The following DMRTA1 variants were observed in gnomAD, a reference collection of about 807,000 sequenced individuals.
DMRTA1 encodes doublesex- and mab-3-related transcription factor A1.
DMRTA1 carries 34 observed loss-of-function variants against 35.2 expected under a neutral mutation model. The ratio of observed to expected loss-of-function variants is 0.97; its 90% CI spans 0.74 to 1.29. The LOEUF (loss-of-function observed/expected upper bound fraction) is 1.29, where lower values mean the gene tolerates loss of function less well. Among genes scored for constraint, DMRTA1 ranks in the 50% most tolerant of loss-of-function variants. The pLI, the probability that DMRTA1 is intolerant of heterozygous loss-of-function variation, is 0.00. For synonymous variants in DMRTA1, 344 were observed against 276.6 expected (o/e 1.24, Z -2.42); for missense variants, 824 against 644.6 (o/e 1.28, Z -3.01).
Position 22,446,982 on chromosome 9 carries a change from C to A in DMRTA1, c.-84C>A. The A allele has an allele frequency of 6.6e-7, 1 of 1,519,900 alleles. No individual in the cohort carries two copies. The highest frequency in any genetic ancestry group is 8.9e-7 in the Non-Finnish European group (1 of 1,127,556). The allele number at this position is 1,519,900 out of a possible 1,614,324, so 94.2% of individuals were successfully genotyped here. A position where few individuals can be genotyped will look rare whatever the true frequency, so the allele number is the denominator to read the frequency against. On this transcript the variant is annotated 5_prime_UTR_variant, in exon 1 of 2. Transcript: ENST00000325870. ...CTCAGTAGGACCACGGCGCGTCCTGCCCCGGCTTCCCCAGCCTCCCAGCAG... is the reference window on the plus strand; with the variant it reads ...CTCAGTAGGACCACGGCGCGTCCTGACCCGGCTTCCCCAGCCTCCCAGCAG...
rs1267644340 is a variant in DMRTA1 at position 22,447,679 on chromosome 9, C to G, written c.614C>G (p.Ser205Cys). 6.2e-7 allele frequency: 1 copy of G among 1,612,912 alleles called. No homozygotes were observed. ...GGTGCCTTGAGACAGGCCAGTGGTT[C>G]CGCGACCCCCGCTTTCGAAGTTTTC... ...GLGALRQASG[S>C]ATPAFEVFQQ... The change falls in exon 1 of 2, where the codon TCC becomes TGC. Residue 205 changes from serine (S) to cysteine (C), a missense_variant. Ser to Cys is a moderately radical substitution (Grantham distance 112). Coordinates refer to ENST00000325870, the MANE Select transcript of DMRTA1 (RefSeq NM_022160.3).
chr9:22,446,998 C>T lies in DMRTA1; in HGVS notation c.-68C>T, dbSNP rs1410307670. The T allele has an allele frequency of 6.5e-7, 1 of 1,549,930 alleles. No individual in the cohort carries two copies. Among genetic ancestry groups the T allele is most frequent in the Non-Finnish European group, 8.7e-7 (1 of 1,146,810 alleles). On this transcript the variant is annotated 5_prime_UTR_variant, in exon 1 of 2. Transcript: ENST00000325870. ...CGCGTCCTGCCCCGGCTTCCCCAGC[C>T]TCCCAGCAGGGTTAGCTGCGGTCAG...
chr9:22,447,185 G>A lies in DMRTA1; in HGVS notation c.120G>A (p.Gly40=). 3 of 1,597,342 alleles carry A rather than the reference G, an allele frequency of 1.9e-6. No individual in the cohort carries two copies. The highest frequency in any genetic ancestry group is 1.1e-5 in the South Asian group (1 of 89,918). Residue 40 remains glycine (G), a synonymous_variant, in exon 1 of 2, where the codon GGG becomes GGA. Coordinates refer to ENST00000325870, the MANE Select transcript of DMRTA1 (RefSeq NM_022160.3). ...CCCCGGCGTTGCCGGTACCATCGGG[G>A]ATGCAGGTTCCCCCAGCGTTCCTGC... ...PPSPALPVPS[G]MQVPPAFLRP... is the part of the protein sequence containing the mutation.
chr9:22,451,798 C>A lies in DMRTA1; in HGVS notation c.1402C>A (p.Pro468Thr). 1 of 1,614,044 alleles carries A rather than the reference C, an allele frequency of 6.2e-7. No homozygotes were observed. The highest frequency in any genetic ancestry group is 1.3e-5 in the African/African-American group (1 of 75,026). The change falls in exon 2 of 2, where the codon CCA becomes ACA. Residue 468 changes from proline to threonine, a missense_variant. Physicochemically the swap from Pro to Thr is conservative, Grantham distance 38. Transcript: ENST00000325870. ...GTTAGTACCAACCTTACCTTTTCGG[C>A]CAGCTTTGGATTATGCCTTTTCAGG... ...PGLVPTLPFR[P>T]ALDYAFSGMI...
rs1463260150 is a variant in DMRTA1, at chr9:22,451,751, T to C, written c.1355T>C (p.Met452Thr). ...SSAGRGLSGF[M>T]SPYLTPGLVP... is the part of the protein sequence containing the mutation. ...GCAGGAAGAGGGTTATCTGGTTTTA[T>C]GTCACCCTACCTAACACCTGGGTTA... The change falls in exon 2 of 2, where the codon ATG (methionine) becomes ACG (threonine). Residue 452 changes from methionine (M) to threonine (T), a missense_variant. Physicochemically the swap from Met to Thr is moderately conservative, Grantham distance 81 (BLOSUM62 -1). Coordinates refer to ENST00000325870, the MANE Select transcript of DMRTA1 (RefSeq NM_022160.3). 2 of 1,614,142 alleles carry C rather than the reference T, an allele frequency of 1.2e-6. No homozygotes were observed. Among genetic ancestry groups the C allele is most frequent in the South Asian group, 2.2e-5 (2 of 91,086 alleles).
chr9:22,454,680 T>G lies in DMRTA1; in HGVS notation c.*2769T>G, dbSNP rs1276161621. On this transcript the variant is annotated 3_prime_UTR_variant, in exon 2 of 2. Coordinates refer to ENST00000325870, the MANE Select transcript of DMRTA1 (RefSeq NM_022160.3). ...TGGGAAGAAAGAGGGGGTAAATGCT[T>G]TAAGAGCTAGCATATAACAAAAATG... 2.0e-5 allele frequency: 3 copies of G among 152,138 alleles called. No individual in the cohort carries two copies. Among genetic ancestry groups the G allele is most frequent in the Admixed American group, 2.0e-4 (3 of 15,266 alleles). The allele number at this position is 152,138 out of a possible 1,614,324, so 9.4% of individuals were successfully genotyped here. A position where few individuals can be genotyped will look rare whatever the true frequency, so the allele number is the denominator to read the frequency against.
intron 1 of DMRTA1, among the ~76,000 whole-genome samples, chr9:22,450,391 C>A (rs1212544540): frequency 6.7e-6 from 1 of 148,732 alleles, no homozygotes; most frequent in African/African-American, 2.4e-5. Flanking sequence ...ATGAAAAATA[C>A]CGTCTGTGTC....
At position 22,447,017 on chromosome 9, in the gene DMRTA1, C is replaced by G. The variant is rs1313440077; in HGVS notation, c.-49C>G. 2.5e-6 allele frequency: 4 copies of G among 1,573,026 alleles called. No homozygotes were observed. The East Asian group carries it at 9.6e-5, about 38-fold the overall frequency. On this transcript the variant is annotated 5_prime_UTR_variant, in exon 1 of 2. Transcript: ENST00000325870. ...CCCAGCCTCCCAGCAGGGTTAGCTG[C>G]GGTCAGCGCACTTTCCACTTGGGAC... is the stretch of plus-strand genomic sequence containing the variant.
At position 22,452,055 on chromosome 9, in the gene DMRTA1, C is replaced by G. The variant is rs1246890140; in HGVS notation, c.*144C>G. 5.4e-6 allele frequency: 4 copies of G among 744,844 alleles called. No individual in the cohort carries two copies. The highest frequency in any genetic ancestry group is 8.1e-6 in the Non-Finnish European group (4 of 493,326). The allele number at this position is 744,844 out of a possible 1,614,324, so 46.1% of individuals were successfully genotyped here. A position where few individuals can be genotyped will look rare whatever the true frequency, so the allele number is the denominator to read the frequency against. ...TTAAAATGCTGGGTTTTTTTTTTTT[C>G]AAGCAATATAATAGGTCTTAGATCT... On this transcript the variant is annotated 3_prime_UTR_variant, in exon 2 of 2. Coordinates refer to ENST00000325870, the MANE Select transcript of DMRTA1 (RefSeq NM_022160.3).
In DMRTA1 at chr9:22,447,095, C is replaced by G. The variant is rs201444816; in HGVS notation, c.30C>G (p.Asp10Glu). Residue 10 changes from aspartate to glutamate, a missense_variant, in exon 1 of 2, where the codon GAC (aspartate) becomes GAG (glutamate). Physicochemically the swap from Asp to Glu is conservative, Grantham distance 45 (BLOSUM62 2). Coordinates refer to ENST00000325870, the MANE Select transcript of DMRTA1 (RefSeq NM_022160.3). MERSQCGSRDRGVSGRPHLA... is the reference protein window; with the variant it reads MERSQCGSRERGVSGRPHLA... Reference sequence around the variant, plus strand: ...AGCGGTCACAGTGTGGCAGCAGAGACCGAGGCGTTAGCGGCCGACCTCACT... The same window carrying G: ...AGCGGTCACAGTGTGGCAGCAGAGAGCGAGGCGTTAGCGGCCGACCTCACT... 167 of 1,609,598 alleles carry G rather than the reference C, an allele frequency of 1.0e-4. No individual in the cohort carries two copies. The East Asian group carries it at 3.5e-3, about 34-fold the overall frequency.
At position 22,447,821 on chromosome 9, in the gene DMRTA1, A is replaced by G. The variant is rs531617983; in HGVS notation, c.667+89A>G. The G allele has an allele frequency of 2.0e-5, 30 of 1,499,898 alleles. No homozygotes were observed. The South Asian group carries it at 3.3e-4, about 17-fold the overall frequency. The allele number at this position is 1,499,898 out of a possible 1,614,324, so 92.9% of individuals were successfully genotyped here. A position where few individuals can be genotyped will look rare whatever the true frequency, so the allele number is the denominator to read the frequency against. Reference sequence around the variant, plus strand: ...CAAGCCACCGTGTCCATAGGCGGGCAGGAATAGTTGTTTAAAAGAAACACT... The same window carrying G: ...CAAGCCACCGTGTCCATAGGCGGGCGGGAATAGTTGTTTAAAAGAAACACT... On this transcript the variant is annotated intron_variant, in intron 1 of 1. Coordinates refer to ENST00000325870, the MANE Select transcript of DMRTA1 (RefSeq NM_022160.3).
rs777216280 is a variant in DMRTA1, at chr9:22,451,942, T to C, written c.*31T>C. ...ATGCCCATTCTCTCTTTCTGGAGTT[T>C]TTCCAGCATACAATACATGCACGTG... On this transcript the variant is annotated 3_prime_UTR_variant, in exon 2 of 2. Transcript: ENST00000325870. 2 of 1,609,290 alleles carry C rather than the reference T, an allele frequency of 1.2e-6. No individual in the cohort carries two copies. Among genetic ancestry groups the C allele is most frequent in the Admixed American group, 1.7e-5 (1 of 59,858 alleles).
chr9:22,451,328 A>G lies in DMRTA1; in HGVS notation c.932A>G (p.Asp311Gly), dbSNP rs368798749. ...GGAAATGAAAGTGAATGGGTCAAAG[A>G]CTTGACTGCGACCAAGGCAAGCCTT... is the stretch of plus-strand genomic sequence containing the variant. ...ESGNESEWVK[D>G]LTATKASLPT... is the part of the protein sequence containing the mutation. The change falls in exon 2 of 2, where the codon GAC becomes GGC. Residue 311 changes from aspartate (D) to glycine (G), a missense_variant. By Grantham distance (94) the Asp-to-Gly change is moderately conservative. Coordinates refer to ENST00000325870, the MANE Select transcript of DMRTA1 (RefSeq NM_022160.3). The G allele has an allele frequency of 6.2e-7, 1 of 1,614,076 alleles. No homozygotes were observed. Among genetic ancestry groups the G allele is most frequent in the Non-Finnish European group, 8.5e-7 (1 of 1,179,972 alleles).
Position 22,451,305 on chromosome 9 carries a change from A to G in DMRTA1, c.909A>G (p.Gly303=), listed in dbSNP as rs2117960687. Residue 303 remains glycine (G), a synonymous_variant, in exon 2 of 2, where the codon GGA becomes GGG. Coordinates refer to ENST00000325870, the MANE Select transcript of DMRTA1 (RefSeq NM_022160.3). ...RSLSSSDLES[G]NESEWVKDLT... ...TATCATCCTCTGATCTGGAATCAGG[A>G]AATGAAAGTGAATGGGTCAAAGACT... 1 of 1,614,122 alleles carries G rather than the reference A, an allele frequency of 6.2e-7. No individual in the cohort carries two copies. Among genetic ancestry groups the G allele is most frequent in the East Asian group, 2.2e-5 (1 of 44,882 alleles).
Position 22,447,008 on chromosome 9 carries a change from G to A in DMRTA1, c.-58G>A. On this transcript the variant is annotated 5_prime_UTR_variant, in exon 1 of 2. Coordinates refer to ENST00000325870, the MANE Select transcript of DMRTA1 (RefSeq NM_022160.3). Reference sequence around the variant, plus strand: ...CCCGGCTTCCCCAGCCTCCCAGCAGGGTTAGCTGCGGTCAGCGCACTTTCC... The same window carrying A: ...CCCGGCTTCCCCAGCCTCCCAGCAGAGTTAGCTGCGGTCAGCGCACTTTCC... The A allele has an allele frequency of 1.3e-6, 2 of 1,564,532 alleles. No individual in the cohort carries two copies. The highest frequency in any genetic ancestry group is 2.3e-5 in the South Asian group (2 of 85,518).
In DMRTA1 at chr9:22,455,487, A is replaced by G. The variant is rs758105285; in HGVS notation, c.*3576A>G. On this transcript the variant is annotated 3_prime_UTR_variant, in exon 2 of 2. Coordinates refer to ENST00000325870, the MANE Select transcript of DMRTA1 (RefSeq NM_022160.3). ...TAAATAAATAACTCTCACTGTTATT[A>G]CTTTGTATTAAGATATTATCTTTGC... 6.6e-6 allele frequency: 1 copy of G among 152,196 alleles called. No individual in the cohort carries two copies. Among genetic ancestry groups the G allele is most frequent in the Non-Finnish European group, 1.5e-5 (1 of 68,030 alleles). The allele number at this position is 152,196 out of a possible 1,614,324, so 9.4% of individuals were successfully genotyped here. A position where few individuals can be genotyped will look rare whatever the true frequency, so the allele number is the denominator to read the frequency against.
rs56665855 is a variant in DMRTA1 at position 22,452,042 on chromosome 9, G to GT, written c.*143dup. The GT allele has an allele frequency of 0.03, 25,425 of 838,286 alleles. 20 individuals carry two copies. Among genetic ancestry groups the GT allele is most frequent in the East Asian group, 0.07 (1,933 of 27,504 alleles). The allele number at this position is 838,286 out of a possible 1,614,324, so 51.9% of individuals were successfully genotyped here. ...GGATTATGAGGTCTTAAAATGCTGG[G>GT]TTTTTTTTTTTTCAAGCAATATAAT... On this transcript the variant is annotated 3_prime_UTR_variant, in exon 2 of 2. Transcript: ENST00000325870.
chr9:22,451,048 T>C lies in DMRTA1; in HGVS notation c.668-16T>C, dbSNP rs1038599209. On this transcript the variant is annotated splice_polypyrimidine_tract_variant and intron_variant, in intron 1 of 1. Transcript: ENST00000325870. Reference sequence around the variant, plus strand: ...GTCTTCCCTGTATTTGATTTTTTTTTCCCCCTCTTCTCCAGAACAAAAAGA... The same window carrying C: ...GTCTTCCCTGTATTTGATTTTTTTTCCCCCCTCTTCTCCAGAACAAAAAGA... 2.9e-5 allele frequency: 46 copies of C among 1,593,902 alleles called. No homozygotes were observed. Among genetic ancestry groups the C allele is most frequent in the South Asian group, 5.6e-5 (5 of 89,070 alleles).
At position 22,452,924 on chromosome 9, in the gene DMRTA1, TG is replaced by T. The variant is rs1818953854; in HGVS notation, c.*1014del. On this transcript the variant is annotated 3_prime_UTR_variant, in exon 2 of 2. Coordinates refer to ENST00000325870, the MANE Select transcript of DMRTA1 (RefSeq NM_022160.3). ...ATATTTATTAACTGCAGATAGTTGATGCTTAATGCACTGAGGAGAGATATAA... is the reference window on the plus strand; with the variant it reads ...ATATTTATTAACTGCAGATAGTTGATCTTAATGCACTGAGGAGAGATATAA... 1 of 152,154 alleles carries T rather than the reference TG, an allele frequency of 6.6e-6. No individual in the cohort carries two copies. The highest frequency in any genetic ancestry group is 6.5e-5 in the Admixed American group (1 of 15,270). 9.4% of individuals were successfully genotyped at this position (152,154 alleles called of 1,614,324 possible).
Sources: allele counts gnomAD v4.1 joint callset (sites outside exome capture counted in the v4.1 genomes callset), GRCh38; gene constraint gnomAD v4.1.1; transcripts MANE v1.5; gene names NCBI Gene and HGNC (gene_info 2026-07-23, HGNC 2026-07-21).